POU2F3: variants seen among roughly 807,000 people sequenced by gnomAD.
POU2F3 encodes POU domain, class 2, transcription factor 3.
Under a neutral mutation model 59.2 loss-of-function variants are expected in POU2F3, and 23 were observed. The observed-to-expected ratio is 0.39, with a 90% CI of 0.28 to 0.55. POU2F3 has a LOEUF of 0.55. POU2F3 is among the 20% of genes least tolerant of loss of function. The pLI is 0.66. For missense variants in POU2F3, 473 were observed against 544.5 expected, an observed-to-expected ratio of 0.87 and a Z score of 1.31; for synonymous variants, 190 against 214.6, an observed-to-expected ratio of 0.89 and a Z score of 1.00.
chr11:120,305,385 C>T (rs1019247581), intron 7 of POU2F3, 173 bp downstream of exon 7: 43 of 914,014 alleles, frequency 4.7e-5, no homozygotes, highest in Non-Finnish European at 6.4e-5. Flanking sequence ...AAACTGAGGA[C>T]GTTGCTGGTG....
chr11:120,295,567 G>A (rs1277079613), intron 3 of POU2F3, among the ~76,000 whole-genome samples: 1 of 152,168 alleles, frequency 6.6e-6, no homozygotes, highest in Admixed American at 6.5e-5. Flanking sequence ...TAGTGGTGGT[G>A]GTCATTTTGA....
At chr11:120,237,528 A>G (rs1938533275), upstream of POU2F3, among the ~76,000 whole-genome samples, 1 of 152,134 alleles carries the variant, frequency 6.6e-6, no homozygotes, top group Non-Finnish European at 1.5e-5. Context: ...TGAAATTATC[A>G]AATATGGGCC....
At chr11:120,310,002 G>C (rs114895882) in intron 10 of POU2F3, among the ~76,000 whole-genome samples, 3 of 152,194 alleles carry the variant, frequency 2.0e-5, no homozygotes, top group Non-Finnish European at 2.9e-5. Context: ...AGGAAGCAGA[G>C]CGCCCAAGAT....
chr11:120,251,789 C>T (rs1939110510), intron 2 of POU2F3, among the ~76,000 whole-genome samples: 1 of 145,746 alleles, frequency 6.9e-6, no homozygotes, highest in Non-Finnish European at 1.5e-5. Flanking sequence ...TTTCTCTTGG[C>T]TGCCTTTTTT....
rs200908565 is a variant in POU2F3, at chr11:120,246,537, G to T, written c.97+20G>T. On this transcript the variant is annotated intron_variant, in intron 2 of 12. Transcript: ENST00000543440. ...AGCCAGGTAAGGGTCTTCTCTTCTC[G>T]GGGATGGAGGGGGTGGGGGGAAGAG... 1 of 1,609,524 alleles carries T rather than the reference G, an allele frequency of 6.2e-7. No homozygotes were observed.
At chr11:120,296,517 T>C (rs1462813548) in intron 3 of POU2F3, among the ~76,000 whole-genome samples, 1 of 152,150 alleles carries the variant, frequency 6.6e-6, no homozygotes, top group Admixed American at 6.5e-5. Flanking sequence ...TTAAACTGAG[T>C]ACCCATTAGT....
chr11:120,259,260 TA>T (rs1939494631), intron 2 of POU2F3: 1 of 152,186 alleles, frequency 6.6e-6, no homozygotes, highest in South Asian at 2.1e-4. Flanking sequence ...GTATGAGCTT[TA>T]AACCATGAAA....
chr11:120,281,035 C>T (rs1940547397), intron 3 of POU2F3, among the ~76,000 whole-genome samples: 2 of 152,182 alleles, frequency 1.3e-5, no homozygotes, highest in African/African-American at 4.8e-5. Context: ...CTGCCTGCAG[C>T]TCTTGTAACC....
chr11:120,251,305 A>G (rs969378500), intron 2 of POU2F3, among the ~76,000 whole-genome samples: 18 of 152,216 alleles, frequency 1.2e-4, no homozygotes, highest in Non-Finnish European at 1.5e-5. Context: ...CACATGTGTG[A>G]GCCTGTGCGT....
At chr11:120,304,901 G>A in intron 6 of POU2F3, 129 bp from the exon 7 acceptor site, 2 of 685,068 alleles carry the variant, frequency 2.9e-6, no homozygotes, top group East Asian at 2.6e-5. Flanking sequence ...TGTACCCAGG[G>A]TGTATCCAGG....
At chr11:120,303,823 G>A (rs1292181749) in intron 6 of POU2F3, 3 of 152,162 alleles carry the variant, frequency 2.0e-5, no homozygotes, top group Admixed American at 2.0e-4. Flanking sequence ...AGGAGAAGAA[G>A]TAATGTTTAG....
intron 6 of POU2F3, chr11:120,303,601 G>T (rs1002797887): frequency 9.2e-5 from 14 of 152,124 alleles, no homozygotes; most frequent in East Asian, 1.9e-4. Flanking sequence ...GAAAAGGAAG[G>T]TTCAAAGAGG....
chr11:120,248,373 G>A (rs867254277), intron 2 of POU2F3, among the ~76,000 whole-genome samples: 6 of 152,190 alleles, frequency 3.9e-5, no homozygotes, highest in Middle Eastern at 3.2e-3. Flanking sequence ...TTTTGTAAAG[G>A]GGGAAAAGTA....
chr11:120,250,311 C>T (rs1053091803), intron 2 of POU2F3: 2 of 152,198 alleles, frequency 1.3e-5, no homozygotes, highest in African/African-American at 2.4e-5. Context: ...TAACCAACAT[C>T]TTTGGAGGAT....
intron 2 of POU2F3, chr11:120,266,040 C>G (rs1402388046): frequency 6.6e-6 from 1 of 152,192 alleles, no homozygotes; most frequent in East Asian, 1.9e-4. Flanking sequence ...CAATTGATAC[C>G]TCCTGACCGA....
chr11:120,295,402 C>T (rs545072266), intron 3 of POU2F3, among the ~76,000 whole-genome samples: 67 of 152,348 alleles, frequency 4.4e-4, no homozygotes, highest in African/African-American at 1.5e-3. Flanking sequence ...CAGTGCTCCA[C>T]GTTCTCCCTC....
chr11:120,266,554 C>T (rs1939833903), intron 2 of POU2F3, among the ~76,000 whole-genome samples: 1 of 152,188 alleles, frequency 6.6e-6, no homozygotes, highest in African/African-American at 2.4e-5. Context: ...TCTCTCCAGC[C>T]ATACTGACCT....
At chr11:120,297,747 A>G (rs1163006997) in intron 3 of POU2F3, among the ~76,000 whole-genome samples, 1 of 152,016 alleles carries the variant, frequency 6.6e-6, no homozygotes, top group African/African-American at 2.4e-5. Flanking sequence ...AAAAAAGAAT[A>G]TCATCTCAGA....
At chr11:120,288,140 A>AC (rs1940870931) in intron 3 of POU2F3, among the ~76,000 whole-genome samples, 1 of 149,066 alleles carries the variant, frequency 6.7e-6, no homozygotes, top group Non-Finnish European at 1.5e-5. Context: ...AAAAAAAAAA[A>AC]AAAAAAAACA....
Sources: allele counts gnomAD v4.1 joint callset (sites outside exome capture counted in the v4.1 genomes callset), GRCh38; gene constraint gnomAD v4.1.1; transcripts MANE v1.5; gene names NCBI Gene and HGNC (gene_info 2026-07-23, HGNC 2026-07-21).